Variants in CCDC178 observed in about 807,000 individuals in gnomAD.
CCDC178 encodes the protein coiled-coil domain containing 178, also known as coiled-coil domain-containing protein 178.
A neutral mutation model predicts 117.4 loss-of-function variants in CCDC178; 126 were observed. The ratio of observed to expected loss-of-function variants is 1.07; its 90% CI spans 0.93 to 1.24. The LOEUF (loss-of-function observed/expected upper bound fraction) is 1.24, where lower values mean the gene tolerates loss of function less well. CCDC178 is among the 50% of genes most tolerant of loss of function. The pLI is 0.00. For missense variants in CCDC178, 1,030 were observed against 986.9 expected (o/e 1.04, Z -0.59); for synonymous variants, 283 against 313.4 (o/e 0.90, Z 1.02).
intron 2 of CCDC178, among the ~76,000 whole-genome samples, chr18:33,413,241 G>A (rs916076547): frequency 2.0e-5 from 3 of 152,106 alleles, no homozygotes; most frequent in Non-Finnish European, 2.9e-5. Context: ...AGACTTCTTA[G>A]ACAAAAGTGC....
intron 5 of CCDC178, among the ~76,000 whole-genome samples, chr18:33,388,036 T>TA (rs1177851918): frequency 3.3e-5 from 5 of 151,042 alleles, no homozygotes; most frequent in African/African-American, 2.4e-5. Flanking sequence ...ACAACCCCAT[T>TA]AAAAAAATGG....
At chr18:33,120,288 C>A (rs1472194565) in intron 20 of CCDC178, among the ~76,000 whole-genome samples, 1 of 151,982 alleles carries the variant, frequency 6.6e-6, no homozygotes, top group African/African-American at 2.4e-5. Flanking sequence ...CTCATCTCTC[C>A]CAATCAACAA....
At chr18:33,335,614 C>T (rs751003996) in intron 9 of CCDC178, among the ~76,000 whole-genome samples, 16 of 152,016 alleles carry the variant, frequency 1.1e-4, no homozygotes, top group Non-Finnish European at 1.9e-4. Context: ...TATTACTTCT[C>T]TCTGAGTCTA....
chr18:32,946,767 C>CT (rs1274510228), intron 22 of CCDC178, among the ~76,000 whole-genome samples: 1 of 114,298 alleles, frequency 8.7e-6, no homozygotes, highest in Non-Finnish European at 1.9e-5. Context: ...TTGTTAGTGT[C>CT]TTTTTTTTCT....
intron 21 of CCDC178, among the ~76,000 whole-genome samples, chr18:33,055,807 ATT>A (rs111278278): frequency 2.1e-5 from 3 of 140,390 alleles, no homozygotes; most frequent in Admixed American, 7.1e-5. Context: ...TCAATGGATA[ATT>A]TTTTTTTTTT....
intron 16 of CCDC178, 121 bp downstream of exon 16, chr18:33,226,672 G>A: frequency 3.4e-6 from 2 of 581,032 alleles, no homozygotes; most frequent in South Asian, 5.1e-5. Flanking sequence ...CAGCTAAGGA[G>A]AGAAAACTGC....
At chr18:33,032,735 T>C (rs1480962782) in intron 21 of CCDC178, among the ~76,000 whole-genome samples, 1 of 152,040 alleles carries the variant, frequency 6.6e-6, no homozygotes, top group Non-Finnish European at 1.5e-5. Flanking sequence ...AATCTGGAAG[T>C]ATTTTAGTTT....
chr18:32,951,109 A>C (rs536661528), intron 22 of CCDC178, among the ~76,000 whole-genome samples: 9 of 152,220 alleles, frequency 5.9e-5, no homozygotes, highest in Non-Finnish European at 1.3e-4. Flanking sequence ...ATTGTTTTAC[A>C]ATCTATTCAT....
intron 21 of CCDC178, among the ~76,000 whole-genome samples, chr18:33,012,956 C>T (rs1175750558): frequency 6.6e-6 from 1 of 152,076 alleles, no homozygotes; most frequent in Non-Finnish European, 1.5e-5. Flanking sequence ...TTATATTTTG[C>T]AAATATCAGC....
chr18:33,039,451 CAA>C (rs1202786189), intron 21 of CCDC178, among the ~76,000 whole-genome samples: 10 of 152,146 alleles, frequency 6.6e-5, no homozygotes, highest in African/African-American at 2.4e-4. Flanking sequence ...TCAAGACCAG[CAA>C]GGCCAGGTCT....
chr18:33,169,337 C>T (rs2058570136), intron 20 of CCDC178, among the ~76,000 whole-genome samples: 1 of 152,062 alleles, frequency 6.6e-6, no homozygotes, highest in Non-Finnish European at 1.5e-5. Flanking sequence ...GTAAATCATG[C>T]AGTTAACTGA....
chr18:33,226,219 GT>G (rs971309206), intron 16 of CCDC178, among the ~76,000 whole-genome samples: 27 of 151,806 alleles, frequency 1.8e-4, no homozygotes, highest in African/African-American at 6.0e-4. Flanking sequence ...TTTGACTCTT[GT>G]TTTTTTTCTT....
chr18:33,035,245 T>C lies in CCDC178; in HGVS notation c.2388+57516A>G, dbSNP rs556217920. On this transcript the variant is annotated intron_variant, in intron 21 of 22. Transcript: ENST00000383096. ...GATACATGGAAGTGGAGGGAAACAC[T>C]ATATGAGTCAGAATGAATAAGCTGA... 2.6e-5 allele frequency among the ~76,000 whole-genome samples: 4 copies of C among 152,000 alleles called. No homozygotes were observed. In the East Asian group the frequency reaches 5.8e-4, roughly 22 times the overall value.
chr18:33,068,479 G>A (rs991527954), intron 21 of CCDC178, among the ~76,000 whole-genome samples: 3 of 152,170 alleles, frequency 2.0e-5, no homozygotes, highest in Non-Finnish European at 4.4e-5. Context: ...CCGTGATCAA[G>A]TGGGATTTAT....
chr18:33,248,952 C>T (rs987959780), intron 14 of CCDC178, among the ~76,000 whole-genome samples: 16 of 152,068 alleles, frequency 1.1e-4, no homozygotes, highest in South Asian at 4.2e-4. Context: ...TTTTAATGAT[C>T]GCCATTCTAA....
At chr18:33,088,288 T>A (rs1174696318) in intron 21 of CCDC178, among the ~76,000 whole-genome samples, 3 of 149,486 alleles carry the variant, frequency 2.0e-5, no homozygotes, top group Non-Finnish European at 3.0e-5. Context: ...TTTTTATATT[T>A]CATATAAAAT....
chr18:33,407,002 T>C (rs549406516), intron 3 of CCDC178, among the ~76,000 whole-genome samples: 3 of 152,288 alleles, frequency 2.0e-5, no homozygotes, highest in Non-Finnish European at 2.9e-5. Context: ...ATGTTAACTA[T>C]TAAACTACCT....
At chr18:33,090,809 G>A (rs1467753804) in intron 21 of CCDC178, among the ~76,000 whole-genome samples, 2 of 152,172 alleles carry the variant, frequency 1.3e-5, no homozygotes, top group African/African-American at 4.8e-5. Context: ...TCGTTTGAGG[G>A]ATCACAAACA....
At chr18:33,135,849 G>T (rs2058119508) in intron 20 of CCDC178, among the ~76,000 whole-genome samples, 1 of 152,106 alleles carries the variant, frequency 6.6e-6, no homozygotes, top group Non-Finnish European at 1.5e-5. Context: ...GCCCTGCAAG[G>T]TTTCCCATAT....
Sources: allele counts gnomAD v4.1 joint callset (sites outside exome capture counted in the v4.1 genomes callset), GRCh38; gene constraint gnomAD v4.1.1; transcripts MANE v1.5; gene names NCBI Gene and HGNC (gene_info 2026-07-23, HGNC 2026-07-21).